The following ROBO2 variants were observed in gnomAD, a reference collection of about 807,000 sequenced individuals.
The protein encoded by ROBO2 is roundabout guidance receptor 2.
ROBO2 carries 53 observed loss-of-function variants against 160.8 expected under a neutral mutation model. The observed-to-expected ratio is 0.33, with a 90% CI of 0.26 to 0.41. The LOEUF (loss-of-function observed/expected upper bound fraction) is 0.41. ROBO2 is among the 10% of genes least tolerant of loss of function. The pLI is 1.00. For missense variants in ROBO2, 1,577 were observed against 1,722.4 expected (o/e 0.92, Z 1.49); for synonymous variants, 664 against 611.7 (o/e 1.09, Z -1.26).
intron 2 of ROBO2, among the ~76,000 whole-genome samples, chr3:76,763,581 T>C (rs1324882717): frequency 1.6e-5 from 2 of 128,426 alleles, no homozygotes; most frequent in African/African-American, 5.8e-5. Context: ...TCTTTTTTTT[T>C]ACATGTTTCC....
At chr3:76,524,107 C>G (rs911543136) in intron 2 of ROBO2, among the ~76,000 whole-genome samples, 4 of 151,928 alleles carry the variant, frequency 2.6e-5, no homozygotes, top group African/African-American at 9.7e-5. Flanking sequence ...ACTTTTAATA[C>G]ATAAGCAACA....
chr3:75,928,431 C>A (rs1947380917), intron 1 of ROBO2, among the ~76,000 whole-genome samples: 6 of 152,166 alleles, frequency 3.9e-5, no homozygotes, highest in Admixed American at 3.9e-4. Context: ...ACAAGTACTT[C>A]ACCTTCACAA....
chr3:76,183,869 C>T lies in ROBO2; in HGVS notation c.109+246267C>T, dbSNP rs558907294. 2.6e-5 allele frequency among the ~76,000 whole-genome samples: 4 copies of T among 152,148 alleles called. No individual in the cohort carries two copies. The South Asian group carries it at 6.2e-4, about 24-fold the overall frequency. ...AAAGATATTCAATTAGATCTGCCTG[C>T]GTCCAGATTCTATGCATTAAGAATG... On this transcript the variant is annotated intron_variant, in intron 2 of 26. Coordinates refer to the ROBO2 transcript ENST00000487694.
chr3:76,944,102 GT>G (rs2149127644), intron 2 of ROBO2, among the ~76,000 whole-genome samples: 1 of 152,136 alleles, frequency 6.6e-6, no homozygotes, highest in Admixed American at 6.5e-5. Flanking sequence ...CAATTTAACT[GT>G]TAAAGACTTT....
intron 20 of ROBO2, among the ~76,000 whole-genome samples, chr3:77,606,621 G>A (rs1325056857): frequency 1.3e-5 from 2 of 152,190 alleles, no homozygotes; most frequent in African/African-American, 2.4e-5. Flanking sequence ...CAGTTTAACA[G>A]TTTTATCACT....
At chr3:77,282,528 A>G (rs921705801) in intron 2 of ROBO2, among the ~76,000 whole-genome samples, 11 of 151,942 alleles carry the variant, frequency 7.2e-5, no homozygotes, top group Non-Finnish European at 1.3e-4. Flanking sequence ...AATGGTAGGG[A>G]CAGATTTCTC....
At chr3:77,292,922 A>G (rs1273382285) in intron 2 of ROBO2, among the ~76,000 whole-genome samples, 1 of 151,274 alleles carries the variant, frequency 6.6e-6, no homozygotes, top group Admixed American at 6.6e-5. Context: ...CACCAAAGAC[A>G]TAAAGTAAAA....
intron 23 of ROBO2, chr3:77,632,679 C>G (rs1387827306): frequency 1.3e-6 from 2 of 1,519,476 alleles, no homozygotes; most frequent in Non-Finnish European, 1.8e-6. Flanking sequence ...CAAGTCAACA[C>G]TCTTTGCATG....
chr3:77,312,483 G>A (rs2153423522), intron 2 of ROBO2, among the ~76,000 whole-genome samples: 1 of 152,284 alleles, frequency 6.6e-6, no homozygotes, highest in East Asian at 1.9e-4. Context: ...AAGTGAATGA[G>A]GGTGTTTTAA....
At chr3:77,486,239 C>T (rs537119715) in intron 4 of ROBO2, among the ~76,000 whole-genome samples, 4 of 152,094 alleles carry the variant, frequency 2.6e-5, no homozygotes, top group Admixed American at 6.6e-5. Flanking sequence ...AATGAACATA[C>T]GTGTGCATAT....
rs191222072 is a variant in ROBO2 at position 76,124,646 on chromosome 3, A to G, written c.109+187044A>G. Among the ~76,000 whole-genome samples the G allele has an allele frequency of 9.2e-4, 140 of 152,224 alleles. 1 individual carries two copies. The highest frequency in any genetic ancestry group is 3.1e-3 in the African/African-American group (128 of 41,564). ...GTTCATAAGTGTCAGCTGGACTTCT[A>G]TGCAATGAGATTGTAATAAGATAAT... On this transcript the variant is annotated intron_variant, in intron 2 of 26. Transcript: ENST00000487694.
intron 2 of ROBO2, among the ~76,000 whole-genome samples, chr3:77,318,008 TTTATG>T: frequency 6.7e-6 from 1 of 149,752 alleles, no homozygotes; most frequent in Non-Finnish European, 1.5e-5. Context: ...TTTATTTTAT[TTTATG>T]TTATTTATTT....
chr3:76,606,600 A>G (rs1313405414), intron 2 of ROBO2, among the ~76,000 whole-genome samples: 3 of 152,176 alleles, frequency 2.0e-5, no homozygotes, highest in Non-Finnish European at 2.9e-5. Context: ...GGGGAAAGCA[A>G]TAGTGGTTCC....
intron 2 of ROBO2, among the ~76,000 whole-genome samples, chr3:77,125,045 A>G (rs959685647): frequency 2.0e-5 from 3 of 152,092 alleles, no homozygotes; most frequent in African/African-American, 4.8e-5. Flanking sequence ...CAGAATTCCA[A>G]TGGGAAGAAT....
At chr3:77,206,921 C>T (rs1024586759) in intron 2 of ROBO2, among the ~76,000 whole-genome samples, 1 of 152,078 alleles carries the variant, frequency 6.6e-6, no homozygotes, top group Non-Finnish European at 1.5e-5. Context: ...CAAACCAAGG[C>T]TATGCATTAT....
intron 2 of ROBO2, among the ~76,000 whole-genome samples, chr3:76,992,390 AAAG>A (rs1464357835): frequency 7.0e-6 from 1 of 143,492 alleles, no homozygotes; most frequent in Non-Finnish European, 1.5e-5. Flanking sequence ...TTGTAAAAAA[AAAG>A]TATATGCATA....
intron 2 of ROBO2, among the ~76,000 whole-genome samples, chr3:76,065,043 T>C (rs1175287438): frequency 6.6e-6 from 1 of 152,000 alleles, no homozygotes; most frequent in Admixed American, 6.6e-5. Context: ...TATAAGGAAA[T>C]AGATAAGTTG....
intron 2 of ROBO2, among the ~76,000 whole-genome samples, chr3:77,012,261 G>C (rs1438926855): frequency 6.6e-6 from 1 of 152,124 alleles, no homozygotes; most frequent in African/African-American, 2.4e-5. Context: ...TCCATTTTGA[G>C]ATATATGACT....
At chr3:76,929,085 C>T (rs147142192) in intron 2 of ROBO2, among the ~76,000 whole-genome samples, 1 of 152,192 alleles carries the variant, frequency 6.6e-6, no homozygotes, top group African/African-American at 2.4e-5. Flanking sequence ...CATGGTGAAA[C>T]CCCATCTGTA....
Sources: allele counts gnomAD v4.1 joint callset (sites outside exome capture counted in the v4.1 genomes callset), GRCh38; gene constraint gnomAD v4.1.1; transcripts MANE v1.5; gene names NCBI Gene and HGNC (gene_info 2026-07-23, HGNC 2026-07-21).